Variants in CXCL13 observed in about 807,000 individuals in gnomAD.
The protein encoded by CXCL13 is C-X-C motif chemokine ligand 13.
Under a neutral mutation model 12.2 loss-of-function variants are expected in CXCL13, and 7 were observed. That is an observed-to-expected ratio of 0.57 (90% CI 0.33 to 1.07). The LOEUF is 1.07. Ranked by LOEUF, CXCL13 falls within the 50% of genes least tolerant of loss-of-function variation. CXCL13 has a pLI of 0.04. For synonymous variants in CXCL13, 47 were observed against 42.4 expected (o/e 1.11, Z -0.42); for missense variants, 113 against 127.4 (o/e 0.89, Z 0.55).
intron 1 of CXCL13, among the ~76,000 whole-genome samples, chr4:77,560,429 C>A (rs1045383258): frequency 1.3e-5 from 2 of 152,192 alleles, no homozygotes; most frequent in Admixed American, 6.5e-5. Context: ...TTGATCAAGC[C>A]CTGTTCCCTG....
chr4:77,529,529 CT>C (rs1724852010), intron 1 of CXCL13, among the ~76,000 whole-genome samples: 1 of 152,140 alleles, frequency 6.6e-6, no homozygotes, highest in South Asian at 2.1e-4. Context: ...GTATTTTATT[CT>C]CTTTGAAGCA....
At chr4:77,523,714 A>G (rs2110081276) in intron 1 of CXCL13, among the ~76,000 whole-genome samples, 1 of 152,288 alleles carries the variant, frequency 6.6e-6, no homozygotes, top group Middle Eastern at 3.4e-3. Flanking sequence ...ACTTCTGTCA[A>G]CTCATCAAAG....
intron 1 of CXCL13, among the ~76,000 whole-genome samples, chr4:77,606,987 G>T (rs1727014865): frequency 6.6e-6 from 1 of 152,116 alleles, no homozygotes; most frequent in Non-Finnish European, 1.5e-5. Flanking sequence ...TTTTATGATT[G>T]CCTTTTGTTC....
intron 1 of CXCL13, among the ~76,000 whole-genome samples, chr4:77,585,456 C>A (rs547324832): frequency 1.3e-5 from 2 of 152,326 alleles, no homozygotes; most frequent in South Asian, 4.1e-4. Flanking sequence ...CCTAAACGTC[C>A]TCAGCCACAT....
At chr4:77,599,281 T>C (rs1272027054) in intron 1 of CXCL13, among the ~76,000 whole-genome samples, 6 of 152,232 alleles carry the variant, frequency 3.9e-5, no homozygotes, top group Non-Finnish European at 8.8e-5. Flanking sequence ...AAGTCTCTGA[T>C]ATAAAATGGG....
intron 1 of CXCL13, among the ~76,000 whole-genome samples, chr4:77,555,838 A>C (rs920358576): frequency 6.6e-6 from 1 of 152,166 alleles, no homozygotes; most frequent in South Asian, 2.1e-4. Flanking sequence ...TAAAAAGATG[A>C]GAATGATCAA....
chr4:77,525,209 G>A (rs187731578), intron 1 of CXCL13, among the ~76,000 whole-genome samples: 14 of 152,276 alleles, frequency 9.2e-5, no homozygotes, highest in African/African-American at 2.4e-4. Flanking sequence ...CTAAATTTCC[G>A]TTCATTAAAA....
At chr4:77,556,920 G>A (rs901546241) in intron 1 of CXCL13, among the ~76,000 whole-genome samples, 2 of 152,104 alleles carry the variant, frequency 1.3e-5, no homozygotes, top group African/African-American at 2.4e-5. Flanking sequence ...TCAGGAGGCC[G>A]AGAGGAAGAT....
intron 1 of CXCL13, among the ~76,000 whole-genome samples, chr4:77,593,138 A>G (rs1464643678): frequency 6.6e-6 from 1 of 152,122 alleles, no homozygotes; most frequent in Non-Finnish European, 1.5e-5. Context: ...GATTCTTCCC[A>G]CACCAACAAG....
intron 1 of CXCL13, among the ~76,000 whole-genome samples, chr4:77,600,385 G>A (rs1370820164): frequency 6.6e-6 from 1 of 152,124 alleles, no homozygotes; most frequent in Non-Finnish European, 1.5e-5. Context: ...GGAACAAAGT[G>A]ATATGCCAAA....
rs185047644 is a variant in CXCL13, at chr4:77,544,586, T to C, written c.-43+32798T>C. On this transcript the variant is annotated intron_variant, in intron 1 of 4. Coordinates refer to the CXCL13 transcript ENST00000286758. ...TTCATATTCTTTGCCCACTTTTTGA[T>C]GGGGTTGTTTGATTTTTTCTTGTAA... is the stretch of plus-strand genomic sequence containing the variant. 5.5e-3 allele frequency among the ~76,000 whole-genome samples: 831 copies of C among 152,310 alleles called. 8 individuals are homozygous for C. The highest frequency in any genetic ancestry group is 0.018 in the African/African-American group (731 of 41,568).
chr4:77,550,561 A>G (rs1725491033), intron 1 of CXCL13, among the ~76,000 whole-genome samples: 1 of 152,202 alleles, frequency 6.6e-6, no homozygotes. Flanking sequence ...ATTTAAGAAT[A>G]TGTTCTATTT....
At chr4:77,569,197 A>T (rs1726006853) in intron 1 of CXCL13, among the ~76,000 whole-genome samples, 1 of 152,142 alleles carries the variant, frequency 6.6e-6, no homozygotes, top group Non-Finnish European at 1.5e-5. Context: ...CACCTTGAAA[A>T]CCTGTACAAG....
rs568891399 is a variant in CXCL13 at position 77,591,088 on chromosome 4, A to G, written c.-42-14736A>G. 3.9e-5 allele frequency among the ~76,000 whole-genome samples: 6 copies of G among 152,354 alleles called. No homozygotes were observed. The East Asian group carries it at 1.2e-3, about 29-fold the overall frequency. ...GAGACAGGGTTTTGCCACGTTGGCT[A>G]GGCTGGTCTCAAACTCTAACCTCAA... On this transcript the variant is annotated intron_variant, in intron 1 of 4. Coordinates refer to the CXCL13 transcript ENST00000286758.
In CXCL13 at chr4:77,516,301, G is replaced by A. The variant is rs867218339; in HGVS notation, c.-43+4513G>A. Among the ~76,000 whole-genome samples the A allele has an allele frequency of 7.5e-3, 1,145 of 152,218 alleles. 14 individuals are homozygous for A. The highest frequency in any genetic ancestry group is 0.025 in the African/African-American group (1,033 of 41,530). ...GGTTGTGTCTCTGCCCGGCTTTGGT[G>A]TCAGGATGATGCTGGCCTCATAAAT... On this transcript the variant is annotated intron_variant, in intron 1 of 4. Coordinates refer to the CXCL13 transcript ENST00000286758.
At chr4:77,603,584 G>A (rs1210560763), upstream of CXCL13, among the ~76,000 whole-genome samples, 1 of 152,200 alleles carries the variant, frequency 6.6e-6, no homozygotes, top group African/African-American at 2.4e-5. Context: ...AACCAAGATG[G>A]TGAGAGAGTT....
intron 1 of CXCL13, among the ~76,000 whole-genome samples, chr4:77,515,257 T>C (rs1389413209): frequency 6.6e-6 from 1 of 152,202 alleles, no homozygotes; most frequent in Non-Finnish European, 1.5e-5. Flanking sequence ...TCCAGCTTTG[T>C]TCTTTTGGCT....
intron 1 of CXCL13, among the ~76,000 whole-genome samples, chr4:77,557,318 G>A (rs1725682685): frequency 6.6e-6 from 1 of 152,126 alleles, no homozygotes; most frequent in Non-Finnish European, 1.5e-5. Flanking sequence ...GAAAGGCTAG[G>A]GGAATCATCC....
intron 1 of CXCL13, among the ~76,000 whole-genome samples, chr4:77,528,092 C>T (rs1157505087): frequency 1.3e-5 from 2 of 152,164 alleles, no homozygotes; most frequent in Non-Finnish European, 1.5e-5. Context: ...ATCCATGTCC[C>T]TATAAAGAAC....
Sources: gnomAD v4.1 joint callset for allele counts (sites outside exome capture counted in the v4.1 genomes callset) on GRCh38, gnomAD v4.1.1 for gene constraint, MANE v1.5 for transcripts, NCBI Gene and HGNC (gene_info 2026-07-23, HGNC 2026-07-21) for gene names.